Variants in DOT1L observed in about 807,000 individuals in gnomAD.
DOT1L encodes the protein histone-lysine N-methyltransferase, H3 lysine-79 specific.
A neutral mutation model predicts 153.3 loss-of-function variants in DOT1L; 33 were observed. The observed-to-expected ratio is 0.22, with a 90% CI of 0.16 to 0.29. The LOEUF is 0.29. Among genes scored for constraint, DOT1L ranks in the 10% least tolerant of loss-of-function variants. The pLI is 1.00. For missense variants in DOT1L, 1,847 were observed against 2,119.9 expected, an observed-to-expected ratio of 0.87 and a Z score of 2.53; for synonymous variants, 1,135 against 965.1, an observed-to-expected ratio of 1.18 and a Z score of -3.26.
rs1219948282 is a variant in DOT1L at position 2,208,450 on chromosome 19, C to T, written c.964-485C>T. Among the ~76,000 whole-genome samples, 1 of 152,176 alleles carries T rather than the reference C, an allele frequency of 6.6e-6. No individual in the cohort carries two copies. The highest frequency in any genetic ancestry group is 1.5e-5 in the Non-Finnish European group (1 of 68,022). On this transcript the variant is annotated intron_variant, in intron 11 of 27. Transcript: ENST00000398665. This position sits in a 1 kb window ranked among gnomAD's most constrained non-coding sequence, Gnocchi z 4.4. ...GCCCCAGGCAGATGCACCCCGCCCTCCCACTGCTCCCCCGAGGGCCCTGGG... is the reference window on the plus strand; with the variant it reads ...GCCCCAGGCAGATGCACCCCGCCCTTCCACTGCTCCCCCGAGGGCCCTGGG...
intron 12 of DOT1L, among the ~76,000 whole-genome samples, chr19:2,209,878 T>C (rs1208519464): frequency 1.3e-5 from 2 of 152,146 alleles, no homozygotes; most frequent in African/African-American, 4.8e-5. Flanking sequence ...CTTAGGGGGA[T>C]GTGGGTCTTC....
Position 2,193,648 on chromosome 19 carries a change from C to T in DOT1L, c.494-41C>T, listed in dbSNP as rs1315636428. 2.5e-6 allele frequency: 4 copies of T among 1,599,948 alleles called. No homozygotes were observed. The African/African-American group carries it at 5.4e-5, about 21-fold the overall frequency. ...CCTAGCACGGCCTCCCGGGTGGCAT[C>T]TGAGCGCTGTGTGGTATCTGATGGA... On this transcript the variant is annotated intron_variant, in intron 5 of 27. Coordinates refer to ENST00000398665, the MANE Select transcript of DOT1L (RefSeq NM_032482.3). This position sits in a 1 kb window ranked among gnomAD's most constrained non-coding sequence, Gnocchi z 5.9.
In DOT1L at chr19:2,222,860, G is replaced by A. The variant is rs2024177374; in HGVS notation, c.3390+301G>A. 2.4e-6 allele frequency: 1 copy of A among 425,012 alleles called. No homozygotes were observed. The highest frequency in any genetic ancestry group is 4.2e-6 in the Non-Finnish European group (1 of 240,240). 26.3% of individuals were successfully genotyped at this position (425,012 alleles called of 1,614,324 possible). On this transcript the variant is annotated intron_variant, in intron 24 of 27. Coordinates refer to ENST00000398665, the MANE Select transcript of DOT1L (RefSeq NM_032482.3). This position sits in a 1 kb window ranked among gnomAD's most constrained non-coding sequence, Gnocchi z 6.5. ...GATCGGCCACTGCCTGGGCCACAGA[G>A]CGAGACTCCCTCTCGGGGGGACAAA...
In DOT1L at chr19:2,222,310, C is replaced by G. The variant is rs767868969; in HGVS notation, c.3141C>G (p.Phe1047Leu). ...GTGAAGCCAAGAGGAGGATTGTGTT[C>G]ACCATCACCACTGGTGCGGGCAGTG... ...PESEAKRRIV[F>L]TITTGAGSAK... The change falls in exon 24 of 28, where the codon TTC becomes TTG. Residue 1047 changes from phenylalanine (F) to leucine (L), a missense_variant. Coordinates refer to ENST00000398665, the MANE Select transcript of DOT1L (RefSeq NM_032482.3). This position sits in a 1 kb window ranked among gnomAD's most constrained non-coding sequence, Gnocchi z 6.5. 1.9e-6 allele frequency: 3 copies of G among 1,613,028 alleles called. No individual in the cohort carries two copies. The highest frequency in any genetic ancestry group is 2.5e-6 in the Non-Finnish European group (3 of 1,179,910).
At chr19:2,186,916 A>T (rs1185572444) in intron 3 of DOT1L, among the ~76,000 whole-genome samples, 1 of 152,200 alleles carries the variant, frequency 6.6e-6, no homozygotes, top group African/African-American at 2.4e-5. Context: ...GTGCAGATCA[A>T]CAGCCGCATG....
chr19:2,226,006 C>T (rs2024314115), intron 26 of DOT1L, among the ~76,000 whole-genome samples, 177 bp from the exon 27 acceptor site: 2 of 152,258 alleles, frequency 1.3e-5, no homozygotes, highest in South Asian at 4.1e-4. Context: ...CCCATCTTGT[C>T]CCCTCCCGTC....
intron 25 of DOT1L, 100 bp from the exon 26 acceptor site, chr19:2,225,288 C>T (rs2024280037): frequency 3.3e-6 from 4 of 1,211,492 alleles, no homozygotes; most frequent in South Asian, 2.5e-5. Flanking sequence ...GCTTCTCGTT[C>T]ACCACCTCCG....
intron 7 of DOT1L, among the ~76,000 whole-genome samples, chr19:2,199,577 C>T (rs78089855): frequency 0.043 from 6,482 of 152,288 alleles, 203 homozygotes; most frequent in East Asian, 0.14. Flanking sequence ...GAGACTGCAG[C>T]GTGGCTTGCA....
chr19:2,199,748 G>T lies in DOT1L; in HGVS notation c.652-136G>T, dbSNP rs569857069. 297 of 1,196,732 alleles carry T rather than the reference G, an allele frequency of 2.5e-4. 9 individuals are homozygous for T. In the South Asian group the frequency reaches 3.8e-3, roughly 15 times the overall value. The allele number at this position is 1,196,732 out of a possible 1,614,324, so 74.1% of individuals were successfully genotyped here. On this transcript the variant is annotated intron_variant, in intron 7 of 27. Coordinates refer to ENST00000398665, the MANE Select transcript of DOT1L (RefSeq NM_032482.3). ...CCTGCAGCTCCCAGGGCTGCAGCCG[G>T]TGGGGCCTGGGCCTCCTCCTGCTCC...
At chr19:2,167,056 C>T (rs892602515) in intron 1 of DOT1L, among the ~76,000 whole-genome samples, 1 of 152,158 alleles carries the variant, frequency 6.6e-6, no homozygotes, top group African/African-American at 2.4e-5. Context: ...ACTGTAAATC[C>T]ATTGGACAGT....
chr19:2,164,763 C>T (rs1051026121), intron 1 of DOT1L, among the ~76,000 whole-genome samples: 1 of 152,150 alleles, frequency 6.6e-6, no homozygotes, highest in African/African-American at 2.4e-5. Context: ...AGTTAACGTC[C>T]CCTTGAGTGG....
In DOT1L at chr19:2,204,943, A is replaced by G. The variant is rs894283898; in HGVS notation, c.788-1786A>G. 6.6e-6 allele frequency among the ~76,000 whole-genome samples: 1 copy of G among 151,292 alleles called. No homozygotes were observed. Among genetic ancestry groups the G allele is most frequent in the Non-Finnish European group, 1.5e-5 (1 of 67,896 alleles). The stretch of plus-strand genomic sequence containing the variant: ...GGAGAGCTGGGATGGCGGAGTGTGC[A>G]TGTGTTTAAATGGATCCACTTTGAC... On this transcript the variant is annotated intron_variant, in intron 9 of 27. Coordinates refer to ENST00000398665, the MANE Select transcript of DOT1L (RefSeq NM_032482.3). The surrounding 1 kb of genome is among the most constrained non-coding windows in gnomAD (Gnocchi z 5.7).
At chr19:2,172,316 A>G (rs1039541557) in intron 1 of DOT1L, among the ~76,000 whole-genome samples, 2 of 150,396 alleles carry the variant, frequency 1.3e-5, no homozygotes, top group Admixed American at 6.6e-5. Flanking sequence ...CAGCCTCCCG[A>G]GTAGCTGGGA....
At position 2,227,148 on chromosome 19, in the gene DOT1L, TCCGCCCCCCGCC is replaced by T. The variant is rs769347714; in HGVS notation, c.4606+25_4606+36del. On this transcript the variant is annotated intron_variant, in intron 27 of 27. Transcript: ENST00000398665. ...TGGAGGTAGGCAGGGCGGCCGTCCG[TCCGCCCCCCGCC>T]CCGGCCCCCGCCGGAGGCCCCTTCC... is the stretch of plus-strand genomic sequence containing the variant. 508 of 1,556,260 alleles carry T rather than the reference TCCGCCCCCCGCC, an allele frequency of 3.3e-4. 1 individual carries two copies. Among genetic ancestry groups the T allele is most frequent in the East Asian group, 1.8e-3 (77 of 42,576 alleles).
chr19:2,228,090 C>T, intron 27 of DOT1L: 2 of 1,344,874 alleles, frequency 1.5e-6, no homozygotes, highest in Non-Finnish European at 2.0e-6. Flanking sequence ...CCCGCCTAAC[C>T]AAGCTTTCTT....
intron 25 of DOT1L, 146 bp downstream of exon 25, chr19:2,223,632 A>AG (rs2024216540): frequency 2.0e-6 from 2 of 1,011,926 alleles, no homozygotes; most frequent in Admixed American, 5.5e-5. Flanking sequence ...CTGTTTTGTG[A>AG]GGGGCCTCCC....
At chr19:2,192,379 G>A (rs1356979638) in intron 5 of DOT1L, among the ~76,000 whole-genome samples, 2 of 152,286 alleles carry the variant, frequency 1.3e-5, no homozygotes, top group East Asian at 3.9e-4. Context: ...TAAAAAGAAT[G>A]TGTATCGTCT....
chr19:2,219,968 C>T (rs2024050368), intron 22 of DOT1L, 140 bp from the exon 23 acceptor site: 5 of 702,840 alleles, frequency 7.1e-6, no homozygotes, highest in Non-Finnish European at 1.2e-5. Context: ...CCCCGCTGCC[C>T]TCTTCCCACG....
chr19:2,207,233 TGAGGAGC>T lies in DOT1L; in HGVS notation c.857-339_857-333del. On this transcript the variant is annotated intron_variant, in intron 10 of 27. Transcript: ENST00000398665. The surrounding 1 kb of genome is among the most constrained non-coding windows in gnomAD (Gnocchi z 4.5). ...CACGGCCTCCTCTGAGGGGCTTCCC[TGAGGAGC>T]GCCCACCCGGGAGGTGCCTGTGTTG... Among the ~76,000 whole-genome samples, 1 of 152,336 alleles carries T rather than the reference TGAGGAGC, an allele frequency of 6.6e-6. No individual in the cohort carries two copies. Among genetic ancestry groups the T allele is most frequent in the Admixed American group, 6.5e-5 (1 of 15,312 alleles).
Sources: allele counts gnomAD v4.1 joint callset (sites outside exome capture counted in the v4.1 genomes callset), GRCh38; gene constraint gnomAD v4.1.1; non-coding constraint Gnocchi (gnomAD v3.1); transcripts MANE v1.5; gene names NCBI Gene and HGNC (gene_info 2026-07-23, HGNC 2026-07-21).